MAPKAP1: variants seen among roughly 807,000 people sequenced by gnomAD.
MAPKAP1 encodes the protein target of rapamycin complex 2 subunit MAPKAP1.
A neutral mutation model predicts 65.7 loss-of-function variants in MAPKAP1; 20 were observed. The ratio of observed to expected loss-of-function variants is 0.30; its 90% CI spans 0.21 to 0.44. The LOEUF (loss-of-function observed/expected upper bound fraction) is 0.44, where lower values mean the gene tolerates loss of function less well. Among genes scored for constraint, MAPKAP1 ranks in the 20% least tolerant of loss-of-function variants. The probability of loss-of-function intolerance (pLI) is 1.00; values close to 1 mark genes in which losing one functional copy is unlikely to be tolerated. For missense variants in MAPKAP1, 423 were observed against 648.0 expected (o/e 0.65, Z 3.77); for synonymous variants, 222 against 244.3 (o/e 0.91, Z 0.85).
intron 4 of MAPKAP1, among the ~76,000 whole-genome samples, chr9:125,587,938 G>A (rs1157230457): frequency 6.6e-6 from 1 of 152,152 alleles, no homozygotes; most frequent in Non-Finnish European, 1.5e-5. Context: ...GTGAGGATAT[G>A]GAGAAACTGA....
intron 7 of MAPKAP1, among the ~76,000 whole-genome samples, chr9:125,530,974 G>A (rs1021550015): frequency 2.0e-5 from 3 of 152,238 alleles, no homozygotes; most frequent in African/African-American, 7.2e-5. Flanking sequence ...AACCCTGCAA[G>A]ATAGGTATTA....
chr9:125,688,999 C>T (rs940616279), intron 1 of MAPKAP1, among the ~76,000 whole-genome samples: 5 of 152,154 alleles, frequency 3.3e-5, no homozygotes, highest in African/African-American at 1.2e-4. Context: ...TATGGGTATA[C>T]AGAGACTTAT....
chr9:125,588,097 C>T lies in MAPKAP1; in HGVS notation c.499-2370G>A, dbSNP rs1185958522. Reference sequence around the variant, plus strand: ...CTCTAGAGAACTAAAAACATATGCTCACATTGAAACTTGGACAAATGTTCA... The same window carrying T: ...CTCTAGAGAACTAAAAACATATGCTTACATTGAAACTTGGACAAATGTTCA... On this transcript the variant is annotated intron_variant, in intron 4 of 11. Transcript: ENST00000265960. 2.6e-5 allele frequency among the ~76,000 whole-genome samples: 4 copies of T among 152,110 alleles called. No homozygotes were observed. In the East Asian group the frequency reaches 7.7e-4, roughly 29 times the overall value.
chr9:125,557,982 G>A lies in MAPKAP1; in HGVS notation c.848+1651C>T, dbSNP rs141675160. Among the ~76,000 whole-genome samples, 655 of 152,236 alleles carry A rather than the reference G, an allele frequency of 4.3e-3. 6 individuals are homozygous for A. Among genetic ancestry groups the A allele is most frequent in the African/African-American group, 0.015 (614 of 41,542 alleles). On this transcript the variant is annotated intron_variant, in intron 6 of 11. Transcript: ENST00000265960. ...AGCGATTCTCCTGCCTCAGACTCCCGAGTAGCTGGGATTACAGGTGCCCAC... is the reference window on the plus strand; with the variant it reads ...AGCGATTCTCCTGCCTCAGACTCCCAAGTAGCTGGGATTACAGGTGCCCAC...
chr9:125,656,968 G>A (rs1834050233), intron 4 of MAPKAP1, among the ~76,000 whole-genome samples: 2 of 151,994 alleles, frequency 1.3e-5, no homozygotes. Context: ...GCACAAACAG[G>A]CAAAAAACAA....
intron 1 of MAPKAP1, among the ~76,000 whole-genome samples, chr9:125,705,825 AC>A (rs932490937): frequency 1.3e-5 from 2 of 152,212 alleles, no homozygotes; most frequent in African/African-American, 2.4e-5. Flanking sequence ...AGAATGTTCT[AC>A]AAAAATCAAT....
At chr9:125,444,781 T>C (rs1462512734) in intron 10 of MAPKAP1, among the ~76,000 whole-genome samples, 183 bp from the exon 11 acceptor site, 1 of 151,926 alleles carries the variant, frequency 6.6e-6, no homozygotes, top group Non-Finnish European at 1.5e-5. Context: ...AATGAAAAAA[T>C]TTTAAAGACT....
chr9:125,562,395 A>T (rs962218433), intron 5 of MAPKAP1, among the ~76,000 whole-genome samples: 3 of 152,240 alleles, frequency 2.0e-5, no homozygotes, highest in African/African-American at 7.2e-5. Flanking sequence ...AGAGGAAGGA[A>T]AAGAAGACTG....
intron 5 of MAPKAP1, chr9:125,567,649 C>T (rs1831100289): frequency 6.6e-6 from 1 of 152,178 alleles, no homozygotes; most frequent in Non-Finnish European, 1.5e-5. Context: ...TCACTTTGCA[C>T]TGTGGACTTG....
chr9:125,687,632 A>G (rs994126243), intron 1 of MAPKAP1, among the ~76,000 whole-genome samples: 5 of 151,676 alleles, frequency 3.3e-5, no homozygotes, highest in Non-Finnish European at 7.4e-5. Flanking sequence ...AAAAAATGTA[A>G]AAATTAACCA....
chr9:125,632,486 A>C (rs2131688568), intron 4 of MAPKAP1, among the ~76,000 whole-genome samples: 1 of 152,190 alleles, frequency 6.6e-6, no homozygotes, highest in East Asian at 1.9e-4. Context: ...ATTAACCATG[A>C]CCCTAAACCT....
At chr9:125,575,738 A>G (rs944944881) in intron 5 of MAPKAP1, among the ~76,000 whole-genome samples, 34 of 152,224 alleles carry the variant, frequency 2.2e-4, no homozygotes, top group African/African-American at 8.2e-4. Flanking sequence ...AACAACTCTC[A>G]TTCCTCACTG....
chr9:125,506,199 G>T (rs1829133984), intron 8 of MAPKAP1, 111 bp downstream of exon 8: 1 of 873,274 alleles, frequency 1.1e-6, no homozygotes, highest in Admixed American at 1.9e-5. Context: ...TTGGAAAACA[G>T]TCACTTCAAA....
chr9:125,652,238 C>T (rs185033945), intron 4 of MAPKAP1: 10 of 1,285,972 alleles, frequency 7.8e-6, no homozygotes, highest in Admixed American at 4.0e-5. Context: ...CATAATTATC[C>T]GACATAGACT....
chr9:125,616,368 A>C (rs1832748498), intron 4 of MAPKAP1, among the ~76,000 whole-genome samples: 1 of 152,234 alleles, frequency 6.6e-6, no homozygotes, highest in Non-Finnish European at 1.5e-5. Context: ...AATACATTAA[A>C]AACAAGAATT....
chr9:125,548,512 C>T (rs889254726), intron 6 of MAPKAP1, among the ~76,000 whole-genome samples: 1 of 152,162 alleles, frequency 6.6e-6, no homozygotes, highest in Non-Finnish European at 1.5e-5. Context: ...GGTTTGGAAC[C>T]CCACCTCTGC....
intron 9 of MAPKAP1, among the ~76,000 whole-genome samples, chr9:125,483,056 G>A (rs772905448): frequency 7.2e-5 from 11 of 152,184 alleles, no homozygotes; most frequent in Non-Finnish European, 1.5e-4. Context: ...TCCGACTCCT[G>A]AGTGAGCCCT....
At chr9:125,454,289 T>G (rs1459629459) in intron 10 of MAPKAP1, among the ~76,000 whole-genome samples, 1 of 152,226 alleles carries the variant, frequency 6.6e-6, no homozygotes, top group Non-Finnish European at 1.5e-5. Context: ...TCTTCAGCTC[T>G]TAGAGAAGTA....
intron 5 of MAPKAP1, among the ~76,000 whole-genome samples, chr9:125,561,531 T>C (rs779505967): frequency 6.6e-6 from 1 of 152,182 alleles, no homozygotes; most frequent in Non-Finnish European, 1.5e-5. Context: ...AACTTTTGGA[T>C]CTCTGCAGCC....
Sources: gnomAD v4.1 joint callset for allele counts (sites outside exome capture counted in the v4.1 genomes callset) on GRCh38, gnomAD v4.1.1 for gene constraint, MANE v1.5 for transcripts, NCBI Gene and HGNC (gene_info 2026-07-23, HGNC 2026-07-21) for gene names.